Variants in CAMK2D observed in about 807,000 individuals in gnomAD.
The protein encoded by CAMK2D is calcium/calmodulin dependent protein kinase II delta.
CAMK2D carries 37 observed loss-of-function variants against 84.0 expected under a neutral mutation model. That is an observed-to-expected ratio of 0.44 (90% CI 0.34 to 0.58). The LOEUF (loss-of-function observed/expected upper bound fraction) is 0.58. Among genes scored for constraint, CAMK2D ranks in the 20% least tolerant of loss-of-function variants. CAMK2D has a pLI of 0.02. For missense variants in CAMK2D, 448 were observed against 652.5 expected, an observed-to-expected ratio of 0.69 and a Z score of 3.41; for synonymous variants, 202 against 212.5, an observed-to-expected ratio of 0.95 and a Z score of 0.43.
intron 13 of CAMK2D, among the ~76,000 whole-genome samples, chr4:113,506,252 CAT>C (rs1332645093): frequency 2.0e-5 from 3 of 152,198 alleles, no homozygotes; most frequent in East Asian, 1.9e-4. Context: ...TAGAAAGTAA[CAT>C]AAATTAATTT....
chr4:113,506,445 T>A (rs1315728623), intron 13 of CAMK2D, among the ~76,000 whole-genome samples: 1 of 152,194 alleles, frequency 6.6e-6, no homozygotes, highest in Non-Finnish European at 1.5e-5. Flanking sequence ...CTGCAGATAG[T>A]TAAAACCTTT....
intron 2 of CAMK2D, among the ~76,000 whole-genome samples, chr4:113,685,849 A>G (rs1018311009): frequency 6.6e-6 from 1 of 152,030 alleles, no homozygotes; most frequent in Non-Finnish European, 1.5e-5. Flanking sequence ...GGATCACTTG[A>G]GGTCAGGAGT....
intron 4 of CAMK2D, among the ~76,000 whole-genome samples, chr4:113,562,144 T>C (rs1294786702): frequency 6.6e-6 from 1 of 152,050 alleles, no homozygotes; most frequent in African/African-American, 2.4e-5. Context: ...CTGAAAAGAG[T>C]CTAGTCTGAA....
chr4:113,503,120 C>G, intron 14 of CAMK2D, 143 bp from the exon 15 acceptor site: 1 of 746,370 alleles, frequency 1.3e-6, no homozygotes, highest in Non-Finnish European at 2.5e-6. Flanking sequence ...GTCAGAGTTG[C>G]AGCTGACAAT....
At chr4:113,507,365 C>T (rs1473007451) in intron 13 of CAMK2D, among the ~76,000 whole-genome samples, 2 of 151,864 alleles carry the variant, frequency 1.3e-5, no homozygotes, top group African/African-American at 2.4e-5. Context: ...ATTCTCCCGC[C>T]TCAGCCTCCC....
intron 4 of CAMK2D, among the ~76,000 whole-genome samples, chr4:113,601,418 G>T (rs1311834524): frequency 1.3e-5 from 2 of 151,646 alleles, no homozygotes; most frequent in Non-Finnish European, 2.9e-5. Context: ...ATCCGGATAT[G>T]CCCTTTCATG....
At chr4:113,712,927 A>G (rs115694264) in intron 2 of CAMK2D, among the ~76,000 whole-genome samples, 1 of 152,054 alleles carries the variant, frequency 6.6e-6, no homozygotes, top group South Asian at 2.1e-4. Flanking sequence ...ATGTATATCC[A>G]CAAATATGCA....
chr4:113,567,168 C>CTTT (rs1317760050), intron 4 of CAMK2D, among the ~76,000 whole-genome samples: 14 of 129,382 alleles, frequency 1.1e-4, no homozygotes, highest in Non-Finnish European at 1.8e-4. Flanking sequence ...TTTTCTTTTC[C>CTTT]TTTTTTTTTT....
chr4:113,454,386 C>T lies in CAMK2D; in HGVS notation c.*159G>A. On this transcript the variant is annotated 3_prime_UTR_variant, in exon 21 of 21. Transcript: ENST00000511664. ...ATGATAAGATGATGCATCACATATG[C>T]ATTACATGTAGGACCTTCACAACTT... The T allele has an allele frequency of 1.4e-6, 1 of 690,762 alleles. No homozygotes were observed. The highest frequency in any genetic ancestry group is 2.7e-6 in the Non-Finnish European group (1 of 371,688). The allele number at this position is 690,762 out of a possible 1,614,324, so 42.8% of individuals were successfully genotyped here. A position where few individuals can be genotyped will look rare whatever the true frequency, so the allele number is the denominator to read the frequency against.
At chr4:113,633,533 A>G (rs1396257896) in intron 3 of CAMK2D, among the ~76,000 whole-genome samples, 1 of 152,216 alleles carries the variant, frequency 6.6e-6, no homozygotes, top group Admixed American at 6.5e-5. Flanking sequence ...TCAGGCACTC[A>G]TTCAGTTTAC....
intron 2 of CAMK2D, among the ~76,000 whole-genome samples, chr4:113,684,456 G>A (rs2099353943): frequency 6.6e-6 from 1 of 152,194 alleles, no homozygotes; most frequent in South Asian, 2.1e-4. Flanking sequence ...TGTACTGTAT[G>A]TATAATTATA....
In CAMK2D at chr4:113,453,883, A is replaced by T. The variant is rs1157231636; in HGVS notation, c.*662T>A. ...GTGATTAAACTCAGAAATGATGTGA[A>T]TTTTTCCAGTTTACACAGTTTGACC... On this transcript the variant is annotated 3_prime_UTR_variant, in exon 21 of 21. Coordinates refer to ENST00000511664, the MANE Select transcript of CAMK2D (RefSeq NM_001321571.2). 1 of 152,548 alleles carries T rather than the reference A, an allele frequency of 6.6e-6. No homozygotes were observed. The highest frequency in any genetic ancestry group is 1.5e-5 in the Non-Finnish European group (1 of 68,006). The allele number at this position is 152,548 out of a possible 1,614,324, so 9.4% of individuals were successfully genotyped here. A position where few individuals can be genotyped will look rare whatever the true frequency, so the allele number is the denominator to read the frequency against.
At chr4:113,650,488 G>C (rs893694048) in intron 3 of CAMK2D, among the ~76,000 whole-genome samples, 1 of 146,604 alleles carries the variant, frequency 6.8e-6, no homozygotes, top group Admixed American at 6.9e-5. Context: ...CTGCACTCTA[G>C]CCTGGATGAC....
intron 2 of CAMK2D, among the ~76,000 whole-genome samples, chr4:113,744,670 T>C (rs897987921): frequency 2.6e-5 from 4 of 152,180 alleles, no homozygotes. Context: ...AAATTGATTA[T>C]CATAGCCGCA....
intron 2 of CAMK2D, among the ~76,000 whole-genome samples, chr4:113,714,742 G>C (rs1455255563): frequency 6.6e-6 from 1 of 152,052 alleles, no homozygotes; most frequent in African/African-American, 2.4e-5. Flanking sequence ...TAAGCATTTA[G>C]AGCTAGTCAT....
At chr4:113,646,807 C>T (rs1376062667) in intron 3 of CAMK2D, among the ~76,000 whole-genome samples, 1 of 152,154 alleles carries the variant, frequency 6.6e-6, no homozygotes, top group Non-Finnish European at 1.5e-5. Context: ...TGATTAGTTT[C>T]CGAGGAGAGG....
chr4:113,462,916 G>A (rs961660554), intron 17 of CAMK2D, among the ~76,000 whole-genome samples: 1 of 152,080 alleles, frequency 6.6e-6, no homozygotes, highest in Non-Finnish European at 1.5e-5. Flanking sequence ...ATCTAACAAG[G>A]ATATAACAGC....
intron 2 of CAMK2D, among the ~76,000 whole-genome samples, chr4:113,733,888 G>T (rs780721132): frequency 2.0e-5 from 3 of 152,096 alleles, no homozygotes; most frequent in Admixed American, 2.0e-4. Context: ...AACTAATTTT[G>T]CTCATGACTC....
chr4:113,455,887 C>G, intron 19 of CAMK2D, 66 bp from the exon 20 acceptor site: 1 of 933,896 alleles, frequency 1.1e-6, no homozygotes, highest in South Asian at 1.3e-5. Context: ...AGGCTTCATC[C>G]CATAAACACT....
Sources: allele counts gnomAD v4.1 joint callset (sites outside exome capture counted in the v4.1 genomes callset), GRCh38; gene constraint gnomAD v4.1.1; transcripts MANE v1.5; gene names NCBI Gene and HGNC (gene_info 2026-07-23, HGNC 2026-07-21).